The following CUX1 variants were observed in gnomAD, a reference collection of about 807,000 sequenced individuals.
CUX1 encodes cut like homeobox 1.
Under a neutral mutation model 158.8 loss-of-function variants are expected in CUX1, and 31 were observed. That is an observed-to-expected ratio of 0.20 (90% confidence interval 0.15 to 0.26). The LOEUF (loss-of-function observed/expected upper bound fraction) is 0.26. CUX1 is among the 10% of genes least tolerant of loss of function. The probability of loss-of-function intolerance (pLI) is 1.00; values close to 1 mark genes in which losing one functional copy is unlikely to be tolerated. For missense variants in CUX1, 1,589 were observed against 2,014.6 expected, an observed-to-expected ratio of 0.79 and a Z score of 4.04; for synonymous variants, 879 against 862.1, an observed-to-expected ratio of 1.02 and a Z score of -0.34.
chr7:101,868,227 C>T (rs1373915780), intron 1 of CUX1, among the ~76,000 whole-genome samples: 1 of 152,184 alleles, frequency 6.6e-6, no homozygotes, highest in East Asian at 1.9e-4. Flanking sequence ...TCCTTCTAGA[C>T]TTATCTGGGG....
chr7:102,029,984 G>A (rs1585337418), intron 3 of CUX1, among the ~76,000 whole-genome samples: 1 of 151,670 alleles, frequency 6.6e-6, no homozygotes, highest in East Asian at 1.9e-4. Context: ...GTGTAAAAAT[G>A]GAAAGATTAG....
chr7:101,853,981 G>A (rs1191432197), intron 1 of CUX1, among the ~76,000 whole-genome samples: 2 of 152,306 alleles, frequency 1.3e-5, no homozygotes, highest in East Asian at 1.9e-4. Context: ...TGCTGCAGGC[G>A]GCCTGCTCCA....
chr7:101,968,477 C>T (rs1408796734), intron 2 of CUX1, among the ~76,000 whole-genome samples: 1 of 152,156 alleles, frequency 6.6e-6, no homozygotes, highest in African/African-American at 2.4e-5. Context: ...GGCTGGAGTG[C>T]AGTGGCGCGA....
At position 101,817,790 on chromosome 7, in the gene CUX1, G is replaced by A. The variant is rs1792041233; in HGVS notation, c.30+121G>A. Reference sequence around the variant, plus strand: ...AGGGCGGCCTGGTGCTCTGGGAGGGGATAGGAGGGTTCCTCAGGGCCCCTG... The same window carrying A: ...AGGGCGGCCTGGTGCTCTGGGAGGGAATAGGAGGGTTCCTCAGGGCCCCTG... On this transcript the variant is annotated intron_variant, in intron 1 of 23. Transcript: ENST00000292535. This position sits in a 1 kb window ranked among gnomAD's most constrained non-coding sequence, Gnocchi z 4.1. 1.6e-6 allele frequency: 2 copies of A among 1,216,794 alleles called. No homozygotes were observed. The highest frequency in any genetic ancestry group is 2.2e-6 in the Non-Finnish European group (2 of 890,862). 75.4% of individuals were successfully genotyped at this position (1,216,794 alleles called of 1,614,324 possible).
intron 1 of CUX1, among the ~76,000 whole-genome samples, chr7:101,830,331 T>A (rs567330675): frequency 2.0e-5 from 3 of 152,326 alleles, no homozygotes; most frequent in South Asian, 2.1e-4. Context: ...TCATAAGACA[T>A]GTACCAGTGG....
chr7:101,987,632 C>T (rs906702334), intron 2 of CUX1, among the ~76,000 whole-genome samples: 21 of 152,226 alleles, frequency 1.4e-4, no homozygotes, highest in African/African-American at 5.1e-4. Flanking sequence ...CTTCTGTCTT[C>T]CACATTAGAA....
In CUX1 at chr7:102,249,946, C is replaced by G. The variant is rs1801313345; in HGVS notation, c.*904C>G. ...GTGTTTTCTTGTACGTGAATAGAAT[C>G]CTGACATGTAGTGCACATTGATGTA... On this transcript the variant is annotated 3_prime_UTR_variant, in exon 24 of 24. Coordinates refer to ENST00000292535, the MANE Select transcript of CUX1 (RefSeq NM_181552.4). 3 of 985,446 alleles carry G rather than the reference C, an allele frequency of 3.0e-6. No individual in the cohort carries two copies. The African/African-American group carries it at 5.3e-5, about 17-fold the overall frequency. 61.0% of individuals were successfully genotyped at this position (985,446 alleles called of 1,614,324 possible).
intron 8 of CUX1, 93 bp downstream of exon 8, chr7:102,115,366 TG>T: frequency 1.9e-6 from 2 of 1,068,504 alleles, no homozygotes; most frequent in South Asian, 2.9e-5. Flanking sequence ...TTGACCTCTG[TG>T]CTGCTGCAGG....
At chr7:102,078,069 T>G (rs982134657) in intron 4 of CUX1, among the ~76,000 whole-genome samples, 7 of 151,994 alleles carry the variant, frequency 4.6e-5, no homozygotes, top group Non-Finnish European at 1.0e-4. Flanking sequence ...CTTAGTAATG[T>G]TTTTGGGGGT....
intron 2 of CUX1, among the ~76,000 whole-genome samples, chr7:101,973,652 A>G (rs944527959): frequency 2.0e-5 from 3 of 152,020 alleles, no homozygotes; most frequent in South Asian, 2.1e-4. Flanking sequence ...TGGACCCCTG[A>G]ATTGGAGTGA....
At chr7:102,274,378 G>A in intron 16 of CUX1, 2 of 1,361,636 alleles carry the variant, frequency 1.5e-6, no homozygotes, top group Non-Finnish European at 1.0e-6. Flanking sequence ...TACCGCCTGA[G>A]AACACAGATC....
chr7:101,978,167 G>C (rs1265529248), intron 2 of CUX1, among the ~76,000 whole-genome samples: 1 of 152,082 alleles, frequency 6.6e-6, no homozygotes, highest in Non-Finnish European at 1.5e-5. Context: ...ACCATCCACA[G>C]AAGGATGGCG....
intron 2 of CUX1, among the ~76,000 whole-genome samples, chr7:101,951,469 C>T (rs1809046491): frequency 6.6e-6 from 1 of 152,120 alleles, no homozygotes; most frequent in African/African-American, 2.4e-5. Context: ...ATCGATCAAC[C>T]CAGTACCCTT....
At chr7:101,850,630 T>G (rs1015017505) in intron 1 of CUX1, among the ~76,000 whole-genome samples, 1 of 152,038 alleles carries the variant, frequency 6.6e-6, no homozygotes, top group Non-Finnish European at 1.5e-5. Context: ...TCCTCCCGCC[T>G]CCGCCTCCCA....
chr7:101,843,478 G>A (rs922549705), intron 1 of CUX1, among the ~76,000 whole-genome samples: 1 of 152,016 alleles, frequency 6.6e-6, no homozygotes, highest in African/African-American at 2.4e-5. Context: ...GGATTTTAAA[G>A]TTGTGCAATC....
chr7:102,280,669 A>ACCCTGGCAGCC, intron 19 of CUX1: 1 of 785,052 alleles, frequency 1.3e-6, no homozygotes, highest in Non-Finnish European at 2.1e-6. Context: ...CCCTGGCAGC[A>ACCCTGGCAGCC]CCCTGGCAGC....
chr7:102,252,619 C>CCCGGAGTT lies in CUX1; in HGVS notation c.*3582_*3589dup. 1 of 985,444 alleles carries CCCGGAGTT rather than the reference C, an allele frequency of 1.0e-6. No homozygotes were observed. Among genetic ancestry groups the CCCGGAGTT allele is most frequent in the South Asian group, 4.7e-5 (1 of 21,292 alleles). 61.0% of individuals were successfully genotyped at this position (985,444 alleles called of 1,614,324 possible). ...TCAGTGTTTGCATTTAGCCTCTTGA[C>CCCGGAGTT]CCGGAGTTCCGGCCCAAGCTCCCTT... is the stretch of plus-strand genomic sequence containing the variant. On this transcript the variant is annotated 3_prime_UTR_variant, in exon 24 of 24. Transcript: ENST00000292535.
intron 4 of CUX1, among the ~76,000 whole-genome samples, chr7:102,079,352 C>A (rs578017679): frequency 3.3e-5 from 5 of 151,990 alleles, no homozygotes; most frequent in Admixed American, 6.6e-5. Context: ...TCACGAGAAT[C>A]GCTTGAACCT....
intron 20 of CUX1, among the ~76,000 whole-genome samples, chr7:102,222,589 C>A (rs558210922): frequency 4.6e-5 from 7 of 152,138 alleles, no homozygotes; most frequent in Non-Finnish European, 5.9e-5. Context: ...CTTCCACAAT[C>A]CTATGAGTGG....
Sources: gnomAD v4.1 joint callset for allele counts (sites outside exome capture counted in the v4.1 genomes callset) on GRCh38, gnomAD v4.1.1 for gene constraint, Gnocchi (gnomAD v3.1) non-coding constraint, MANE v1.5 for transcripts, NCBI Gene and HGNC (gene_info 2026-07-23, HGNC 2026-07-21) for gene names.